DUSP22: variants seen among roughly 807,000 people sequenced by gnomAD.
DUSP22 encodes dual specificity phosphatase 22.
DUSP22 carries 24 observed loss-of-function variants against 24.5 expected under a neutral mutation model. The ratio of observed to expected loss-of-function variants is 0.98; its 90% CI spans 0.71 to 1.38. The LOEUF is 1.38. Ranked by LOEUF, DUSP22 falls within the 40% of genes most tolerant of loss-of-function variation. The pLI is 0.00. For missense variants in DUSP22, 330 were observed against 269.2 expected, an observed-to-expected ratio of 1.23 and a Z score of -1.58; for synonymous variants, 160 against 106.4, an observed-to-expected ratio of 1.50 and a Z score of -3.10.
At chr6:336,424 T>A (rs1759365311) in intron 4 of DUSP22, among the ~76,000 whole-genome samples, 1 of 152,308 alleles carries the variant, frequency 6.6e-6, no homozygotes, top group African/African-American at 2.4e-5. Context: ...GCCCCAATGT[T>A]CAGGACCCTA....
intron 1 of DUSP22, 57 bp from the exon 2 acceptor site, chr6:304,571 G>A (rs1452362119): frequency 4.3e-6 from 7 of 1,613,134 alleles, no homozygotes; most frequent in Non-Finnish European, 5.9e-6. Context: ...GCCCCCTTCT[G>A]CAATACCATC....
chr6:298,610 A>G (rs1177085051), intron 1 of DUSP22, among the ~76,000 whole-genome samples: 12 of 152,310 alleles, frequency 7.9e-5, no homozygotes, highest in Non-Finnish European at 1.5e-5. Flanking sequence ...GAAGCTGTCC[A>G]TCAGGAGGAA....
At chr6:330,989 C>T (rs985694887) in intron 3 of DUSP22, among the ~76,000 whole-genome samples, 1 of 152,308 alleles carries the variant, frequency 6.6e-6, no homozygotes, top group Non-Finnish European at 1.5e-5. Context: ...CTTCTTCCCC[C>T]TTTTCCTCTC....
intron 3 of DUSP22, among the ~76,000 whole-genome samples, chr6:331,839 A>G (rs1189544602): frequency 1.3e-5 from 2 of 152,306 alleles, no homozygotes; most frequent in East Asian, 1.9e-4. Flanking sequence ...CCTTTTTGAC[A>G]GTTTTGACTC....
At chr6:333,718 C>T (rs187571879) in intron 3 of DUSP22, among the ~76,000 whole-genome samples, 110 of 152,382 alleles carry the variant, frequency 7.2e-4, no homozygotes, top group South Asian at 1.0e-3. Context: ...CACTTTGCCC[C>T]GAGCCAGCCC....
Position 349,841 on chromosome 6 carries a change from G to A in DUSP22, c.*890G>A. 1.0e-6 allele frequency: 1 copy of A among 986,000 alleles called. No homozygotes were observed. Among genetic ancestry groups the A allele is most frequent in the Non-Finnish European group, 1.2e-6 (1 of 830,322 alleles). 61.1% of individuals were successfully genotyped at this position (986,000 alleles called of 1,614,324 possible). A position where few individuals can be genotyped will look rare whatever the true frequency, so the allele number is the denominator to read the frequency against. ...GCTGATTGCACTTGAGCTCTGTGGT[G>A]GGCAGGCGCACTTTAGCCTAAGTTG... On this transcript the variant is annotated 3_prime_UTR_variant, in exon 7 of 7. Coordinates refer to ENST00000419235, the MANE Select transcript of DUSP22 (RefSeq NM_001286555.3).
intron 3 of DUSP22, among the ~76,000 whole-genome samples, chr6:314,984 G>T (rs1232475687): frequency 6.6e-6 from 1 of 152,302 alleles, no homozygotes; most frequent in Non-Finnish European, 1.5e-5. Context: ...AGAAGGTACT[G>T]TTATCAGGCC....
chr6:295,088 G>C (rs1757263758), intron 1 of DUSP22, among the ~76,000 whole-genome samples: 1 of 152,134 alleles, frequency 6.6e-6, no homozygotes, highest in Admixed American at 6.5e-5. Context: ...TGTAAAAAAA[G>C]AAGAATGGTT....
chr6:338,535 C>T (rs888477130), intron 4 of DUSP22, among the ~76,000 whole-genome samples: 8 of 152,424 alleles, frequency 5.2e-5, no homozygotes, highest in Middle Eastern at 3.4e-3. Context: ...GATGGTCAGA[C>T]GACAAATATT....
rs751551176 is a variant in DUSP22, at chr6:335,099, T to C, written c.139-15T>C. 7.4e-6 allele frequency: 12 copies of C among 1,611,924 alleles called. No homozygotes were observed. The highest frequency in any genetic ancestry group is 1.6e-4 in the Middle Eastern group (1 of 6,062). On this transcript the variant is annotated splice_polypyrimidine_tract_variant and intron_variant, in intron 3 of 6. Transcript: ENST00000419235. ...TGTTTTTATTTTTATGTATTTACTT[T>C]TTATTATTCTGCAGGGAGTTAAATA... is the stretch of plus-strand genomic sequence containing the variant.
chr6:332,112 T>G (rs1485536393), intron 3 of DUSP22, among the ~76,000 whole-genome samples: 1 of 152,304 alleles, frequency 6.6e-6, no homozygotes, highest in South Asian at 2.1e-4. Flanking sequence ...GTCTCATCAC[T>G]CTGCAGACAT....
At chr6:332,500 T>A (rs1207421533) in intron 3 of DUSP22, among the ~76,000 whole-genome samples, 2 of 152,308 alleles carry the variant, frequency 1.3e-5, no homozygotes, top group African/African-American at 4.8e-5. Flanking sequence ...TTGGTCCTTT[T>A]GCTCATCGGG....
intron 2 of DUSP22, 95 bp downstream of exon 2, chr6:304,756 G>C (rs573709983): frequency 1.9e-5 from 29 of 1,545,280 alleles, no homozygotes; most frequent in Non-Finnish European, 2.3e-5. Flanking sequence ...GTGGCTTTAA[G>C]TAATTTGCAT....
intron 3 of DUSP22, among the ~76,000 whole-genome samples, chr6:332,868 C>G (rs945859624): frequency 6.6e-6 from 1 of 152,288 alleles, no homozygotes; most frequent in Admixed American, 6.5e-5. Context: ...CTCCAAGGAG[C>G]GTGGAGGGAG....
chr6:340,354 G>A (rs1194318106), intron 4 of DUSP22, among the ~76,000 whole-genome samples: 1 of 152,312 alleles, frequency 6.6e-6, no homozygotes, highest in Non-Finnish European at 1.5e-5. Context: ...GTGGACTGGG[G>A]GCTTCACCAT....
chr6:316,369 C>G (rs1441079795), intron 3 of DUSP22, among the ~76,000 whole-genome samples: 2 of 152,306 alleles, frequency 1.3e-5, no homozygotes, highest in Non-Finnish European at 2.9e-5. Context: ...AAAGTAAGCC[C>G]AGACCTGTTT....
chr6:340,653 G>T (rs1759566749), intron 4 of DUSP22, among the ~76,000 whole-genome samples: 1 of 152,292 alleles, frequency 6.6e-6, no homozygotes, highest in South Asian at 2.1e-4. Context: ...ATACACTTTT[G>T]TATCATTTGC....
chr6:292,767 G>T (rs1443818718), intron 1 of DUSP22, among the ~76,000 whole-genome samples: 1 of 152,266 alleles, frequency 6.6e-6, no homozygotes, highest in African/African-American at 2.4e-5. Flanking sequence ...CTTCCGGGTA[G>T]GCAGCCCCCA....
chr6:344,083 A>T (rs1183369753), intron 4 of DUSP22, among the ~76,000 whole-genome samples: 4 of 152,296 alleles, frequency 2.6e-5, no homozygotes, highest in African/African-American at 9.6e-5. Context: ...GGGGACACAC[A>T]TGCTGGTTGG....
Sources: gnomAD v4.1 joint callset for allele counts (sites outside exome capture counted in the v4.1 genomes callset) on GRCh38, gnomAD v4.1.1 for gene constraint, MANE v1.5 for transcripts, NCBI Gene and HGNC (gene_info 2026-07-23, HGNC 2026-07-21) for gene names.